Variants in CAPZB observed in about 807,000 individuals in gnomAD.
CAPZB encodes the protein capping actin protein of muscle Z-line subunit beta, also known as F-actin-capping protein subunit beta.
Under a neutral mutation model 38.1 loss-of-function variants are expected in CAPZB, and 2 were observed. The observed-to-expected ratio is 0.05, with a 90% CI of 0.02 to 0.17. The LOEUF (loss-of-function observed/expected upper bound fraction) is 0.17. CAPZB is among the 10% of genes least tolerant of loss of function. The pLI, the probability that CAPZB is intolerant of heterozygous loss-of-function variation, is 1.00. For synonymous variants in CAPZB, 107 were observed against 127.4 expected (o/e 0.84, Z 1.08); for missense variants, 161 against 334.2 (o/e 0.48, Z 4.04).
intron 4 of CAPZB, among the ~76,000 whole-genome samples, chr1:19,370,648 C>T (rs1029126678): frequency 1.3e-5 from 2 of 152,168 alleles, no homozygotes; most frequent in African/African-American, 4.8e-5. Context: ...ACAGTTCAGA[C>T]GTCGGAAGTC....
intron 1 of CAPZB, among the ~76,000 whole-genome samples, chr1:19,471,564 C>A (rs1383337409): frequency 1.1e-5 from 1 of 89,994 alleles, no homozygotes; most frequent in African/African-American, 3.2e-5. Context: ...TTGTCTGTTA[C>A]GTCGAGAAAT....
chr1:19,419,954 C>T, intron 1 of CAPZB: 1 of 526,592 alleles, frequency 1.9e-6, no homozygotes, highest in Non-Finnish European at 3.4e-6. Flanking sequence ...CAGTCTCTGT[C>T]TCAAGTGGGG....
intron 1 of CAPZB, among the ~76,000 whole-genome samples, chr1:19,429,874 G>A (rs561547798): frequency 2.4e-4 from 36 of 152,224 alleles, no homozygotes; most frequent in South Asian, 1.5e-3. Flanking sequence ...CCCTGAGTAC[G>A]ACGGAGCACA....
intron 1 of CAPZB, among the ~76,000 whole-genome samples, chr1:19,449,982 T>C (rs1251723324): frequency 1.3e-5 from 2 of 150,880 alleles, no homozygotes; most frequent in Non-Finnish European, 3.0e-5. Flanking sequence ...TCTCTACAAA[T>C]AATTAAAAAA....
intron 1 of CAPZB, among the ~76,000 whole-genome samples, chr1:19,475,858 C>G (rs1203812563): frequency 6.6e-6 from 1 of 152,200 alleles, no homozygotes; most frequent in Admixed American, 6.6e-5. Flanking sequence ...AGTCATTCAT[C>G]TAACACCTGT....
intron 1 of CAPZB, among the ~76,000 whole-genome samples, chr1:19,423,058 G>A (rs78362802): frequency 7.0e-6 from 1 of 142,714 alleles, no homozygotes; most frequent in African/African-American, 2.7e-5. Context: ...GCAAGGGGCC[G>A]GACAGTCCTC....
chr1:19,456,360 G>T (rs1050354899), intron 1 of CAPZB, among the ~76,000 whole-genome samples: 1 of 152,190 alleles, frequency 6.6e-6, no homozygotes, highest in African/African-American at 2.4e-5. Context: ...AGAGGGTCAG[G>T]TGCAAATCCA....
intron 3 of CAPZB, 99 bp from the exon 4 acceptor site, chr1:19,378,752 G>A (rs1355234111): frequency 1.5e-6 from 1 of 681,164 alleles, no homozygotes; most frequent in South Asian, 1.7e-5. Context: ...AATCTCGGAG[G>A]CAAAGCCGCT....
intron 7 of CAPZB, 109 bp from the exon 8 acceptor site, chr1:19,344,543 G>A: frequency 1.2e-6 from 1 of 826,596 alleles, no homozygotes; most frequent in Non-Finnish European, 2.1e-6. Flanking sequence ...CTGGAGGGTG[G>A]CACACGCCTG....
Position 19,357,633 on chromosome 1 carries a change from T to C in CAPZB, c.330-70A>G. ...ATCATCAGCCTGGGTCCCAGGCTGC[T>C]GCTCAGCAAAGATTCTGGGATTCAG... On this transcript the variant is annotated intron_variant, in intron 4 of 8. Transcript: ENST00000264202. This position sits in a 1 kb window ranked among gnomAD's most constrained non-coding sequence, Gnocchi z 4.3. 6.5e-7 allele frequency: 1 copy of C among 1,527,434 alleles called. No individual in the cohort carries two copies. The highest frequency in any genetic ancestry group is 9.0e-7 in the Non-Finnish European group (1 of 1,109,816). 94.6% of individuals were successfully genotyped at this position (1,527,434 alleles called of 1,614,324 possible). A position where few individuals can be genotyped will look rare whatever the true frequency, so the allele number is the denominator to read the frequency against.
Position 19,416,212 on chromosome 1 carries a change from T to C in CAPZB, c.93+3449A>G, listed in dbSNP as rs186317822. On this transcript the variant is annotated intron_variant, in intron 2 of 8. Coordinates refer to ENST00000264202, the MANE Select transcript of CAPZB (RefSeq NM_004930.5). ...AACATTATTCTCCATAATATACCTATGTGTTAACATTTTAGATTACTAATG... is the reference window on the plus strand; with the variant it reads ...AACATTATTCTCCATAATATACCTACGTGTTAACATTTTAGATTACTAATG... Among the ~76,000 whole-genome samples the C allele has an allele frequency of 1.3e-3, 193 of 152,388 alleles. 1 individual carries two copies. The highest frequency in any genetic ancestry group is 4.6e-3 in the African/African-American group (190 of 41,596).
chr1:19,423,866 G>C (rs1050456770), intron 1 of CAPZB, among the ~76,000 whole-genome samples: 167 of 152,238 alleles, frequency 1.1e-3, no homozygotes, highest in African/African-American at 3.9e-3. Context: ...TGGTAGAGAT[G>C]GGGTTTCACC....
intron 1 of CAPZB, among the ~76,000 whole-genome samples, chr1:19,476,227 G>C (rs4495731): frequency 0.2 from 9,393 of 46,932 alleles, 633 homozygotes; most frequent in African/African-American, 0.3. Context: ...TAGATAGATA[G>C]GCAGGCAGGC....
rs1000849538 is a variant in CAPZB at position 19,338,842 on chromosome 1, A to G, written c.*688T>C. On this transcript the variant is annotated 3_prime_UTR_variant, in exon 9 of 9. Transcript: ENST00000264202. Reference sequence around the variant, plus strand: ...TTTTTTTAAGTATGGAGGCTCAAGTATAAGATGTAGATTTTTTTCTTAAGC... The same window carrying G: ...TTTTTTTAAGTATGGAGGCTCAAGTGTAAGATGTAGATTTTTTTCTTAAGC... The G allele has an allele frequency of 2.6e-5, 4 of 152,632 alleles. No individual in the cohort carries two copies. In the South Asian group the frequency reaches 6.2e-4, roughly 24 times the overall value. 9.5% of individuals were successfully genotyped at this position (152,632 alleles called of 1,614,324 possible). A position where few individuals can be genotyped will look rare whatever the true frequency, so the allele number is the denominator to read the frequency against.
intron 8 of CAPZB, among the ~76,000 whole-genome samples, chr1:19,340,562 T>C (rs540653628): frequency 2.0e-5 from 3 of 152,322 alleles, no homozygotes; most frequent in African/African-American, 7.2e-5. Context: ...CCGGATGTGG[T>C]GGCTCAAGCC....
intron 1 of CAPZB, among the ~76,000 whole-genome samples, chr1:19,482,708 A>C (rs1243697613): frequency 6.6e-6 from 1 of 152,230 alleles, no homozygotes; most frequent in Non-Finnish European, 1.5e-5. Context: ...TTAGATTCTC[A>C]AGTCACTATT....
At chr1:19,450,142 TCCAAAAAAAAAAAAAAAAA>T (rs1215478930) in intron 1 of CAPZB, among the ~76,000 whole-genome samples, 3 of 54,194 alleles carry the variant, frequency 5.5e-5, no homozygotes, top group African/African-American at 2.9e-4. Flanking sequence ...AGACCCTGTC[TCCAAAAAAAAAAAAAAAAA>T]AAAAAAAAGA....
At chr1:19,416,380 A>G (rs1024031164) in intron 2 of CAPZB, among the ~76,000 whole-genome samples, 14 of 152,308 alleles carry the variant, frequency 9.2e-5, no homozygotes, top group African/African-American at 3.4e-4. Context: ...CTCCCAAGCC[A>G]CATCCCTATC....
At chr1:19,445,750 T>C (rs1488552079) in intron 1 of CAPZB, among the ~76,000 whole-genome samples, 15 of 152,200 alleles carry the variant, frequency 9.9e-5, no homozygotes, top group Non-Finnish European at 7.3e-5. Flanking sequence ...CTGGGGGTGA[T>C]GGAAATGTTC....
Sources: gnomAD v4.1 joint callset for allele counts (sites outside exome capture counted in the v4.1 genomes callset) on GRCh38, gnomAD v4.1.1 for gene constraint, Gnocchi (gnomAD v3.1) non-coding constraint, MANE v1.5 for transcripts, NCBI Gene and HGNC (gene_info 2026-07-23, HGNC 2026-07-21) for gene names.